LRRIQ1: variants seen among roughly 807,000 people sequenced by gnomAD.
LRRIQ1 encodes leucine-rich repeat- and IQ domain-containing protein 1.
In LRRIQ1, 210 loss-of-function variants were observed where a neutral mutation model predicts 211.9. The observed-to-expected ratio is 0.99, with a 90% CI of 0.89 to 1.11. LRRIQ1 has a LOEUF of 1.11. Among genes scored for constraint, LRRIQ1 ranks in the 50% most tolerant of loss-of-function variants. The pLI is 0.00. For synonymous variants in LRRIQ1, 699 were observed against 650.1 expected, an observed-to-expected ratio of 1.08 and a Z score of -1.14; for missense variants, 2,136 against 1,939.5, an observed-to-expected ratio of 1.10 and a Z score of -1.90.
chr12:85,064,728 T>G (rs1472062113), intron 8 of LRRIQ1, among the ~76,000 whole-genome samples: 2 of 151,876 alleles, frequency 1.3e-5, no homozygotes, highest in Non-Finnish European at 2.9e-5. Flanking sequence ...GGGGTCTAGT[T>G]TCATTTTTCT....
chr12:85,098,881 G>A lies in LRRIQ1; in HGVS notation c.3096G>A (p.Glu1032=). ...TTTAAATATAGCTTCCATCCTTGGA[G>A]AATCTTGTTTTACTAAGAGAATTGC... ...GNYLSELPSL[E]NLVLLRELHL... The change falls in exon 13 of 27, where the codon GAG becomes GAA. Residue 1032 remains glutamate, a synonymous_variant. Transcript: ENST00000393217. 1 of 1,556,600 alleles carries A rather than the reference G, an allele frequency of 6.4e-7. No individual in the cohort carries two copies. Among genetic ancestry groups the A allele is most frequent in the Non-Finnish European group, 8.7e-7 (1 of 1,150,814 alleles).
intron 15 of LRRIQ1, among the ~76,000 whole-genome samples, chr12:85,116,013 C>G (rs1887544471): frequency 6.6e-6 from 1 of 152,184 alleles, no homozygotes; most frequent in South Asian, 2.1e-4. Context: ...GAATACTGTT[C>G]TAAGACACGG....
intron 24 of LRRIQ1, among the ~76,000 whole-genome samples, chr12:85,186,159 T>G (rs1212150148): frequency 6.6e-6 from 1 of 152,158 alleles, no homozygotes; most frequent in East Asian, 1.9e-4. Flanking sequence ...CAAAAATTTA[T>G]TAAGCATCTA....
At chr12:85,169,449 G>A (rs1262147667) in intron 24 of LRRIQ1, among the ~76,000 whole-genome samples, 2 of 152,080 alleles carry the variant, frequency 1.3e-5, no homozygotes, top group Non-Finnish European at 2.9e-5. Context: ...ATGGCCTCCT[G>A]TTGTCCTTTG....
chr12:85,117,207 A>G (rs763934969), intron 15 of LRRIQ1, among the ~76,000 whole-genome samples: 4 of 152,178 alleles, frequency 2.6e-5, no homozygotes, highest in Non-Finnish European at 4.4e-5. Flanking sequence ...TGGGAATATC[A>G]GGTAGCAGCC....
chr12:85,272,775 G>C, the LRRIQ1 span, among the ~76,000 whole-genome samples: 1 of 152,136 alleles, frequency 6.6e-6, no homozygotes, highest in Admixed American at 6.5e-5. Context: ...CCATTTGGGG[G>C]CATCTGATGT....
At chr12:85,235,776 A>G (rs879008308) in intron 26 of LRRIQ1, among the ~76,000 whole-genome samples, 1 of 152,198 alleles carries the variant, frequency 6.6e-6, no homozygotes, top group African/African-American at 2.4e-5. Flanking sequence ...AAATAAGTCT[A>G]TACATTAGAA....
chr12:85,149,937 T>A (rs1164440300), intron 19 of LRRIQ1, among the ~76,000 whole-genome samples: 1 of 151,814 alleles, frequency 6.6e-6, no homozygotes, highest in Admixed American at 6.6e-5. Context: ...AAAATGTCAA[T>A]TTTATCCAGA....
chr12:85,212,601 A>G (rs1480314224), intron 24 of LRRIQ1, among the ~76,000 whole-genome samples: 1 of 151,760 alleles, frequency 6.6e-6, no homozygotes, highest in Non-Finnish European at 1.5e-5. Flanking sequence ...TCAATATATA[A>G]CTGAAAAATG....
Position 85,098,454 on chromosome 12 carries a change from T to G in LRRIQ1, c.2987T>G (p.Leu996Arg), listed in dbSNP as rs1461464075. The G allele has an allele frequency of 9.3e-6, 15 of 1,611,362 alleles. No individual in the cohort carries two copies. Among genetic ancestry groups the G allele is most frequent in the Non-Finnish European group, 1.3e-5 (15 of 1,178,462 alleles). Residue 996 changes from leucine (L) to arginine (R), a missense_variant, in exon 12 of 27, where the codon CTA becomes CGA. Coordinates refer to ENST00000393217, the MANE Select transcript of LRRIQ1 (RefSeq NM_001079910.2). ...TGTGATACACCTACCATTGTATACC[T>G]AGATTGCTCCCATAATCATCTTACT... ...GLCDTPTIVYLDCSHNHLTDV... is the reference protein window; with the variant it reads ...GLCDTPTIVYRDCSHNHLTDV...
At chr12:85,188,387 G>A (rs1892332356) in intron 24 of LRRIQ1, among the ~76,000 whole-genome samples, 1 of 152,066 alleles carries the variant, frequency 6.6e-6, no homozygotes, top group Non-Finnish European at 1.5e-5. Context: ...AACACAGAAT[G>A]CATAAACAGC....
rs2136057291 is a variant in LRRIQ1 at position 85,065,361 on chromosome 12, A to T, written c.2491A>T (p.Thr831Ser). The T allele has an allele frequency of 6.2e-7, 1 of 1,610,868 alleles. No individual in the cohort carries two copies. Among genetic ancestry groups the T allele is most frequent in the Non-Finnish European group, 8.5e-7 (1 of 1,177,902 alleles). ...TCTATCCCTTCGACGCTGTGGATTA[A>T]CTTCTTTGCACAGCCTGAGTAATTG... ...QFLSLRRCGL[T>S]SLHSLSNCKK... The change falls in exon 9 of 27, where the codon ACT becomes TCT. Residue 831 changes from threonine to serine, a missense_variant. Transcript: ENST00000393217.
intron 24 of LRRIQ1, among the ~76,000 whole-genome samples, chr12:85,217,530 G>A (rs1293881811): frequency 1.3e-4 from 15 of 119,324 alleles, no homozygotes; most frequent in African/African-American, 3.6e-4. Context: ...GTGTGTGTGT[G>A]TGTGTGTGTG....
At chr12:85,182,263 G>A (rs977009084) in intron 24 of LRRIQ1, among the ~76,000 whole-genome samples, 8 of 151,902 alleles carry the variant, frequency 5.3e-5, no homozygotes, top group African/African-American at 1.7e-4. Flanking sequence ...GAAATAGTTT[G>A]AGGACATAAA....
rs114576624 is a variant in LRRIQ1, at chr12:85,146,846, A to G, written c.4330-5434A>G. The stretch of plus-strand genomic sequence containing the variant: ...GTACCTTGTTTAATCATTCTGGCCT[A>G]TACTCGCTGTTAGAGAAAAGAGATA... On this transcript the variant is annotated intron_variant, in intron 19 of 26. Transcript: ENST00000393217. 9.3e-4 allele frequency among the ~76,000 whole-genome samples: 141 copies of G among 151,836 alleles called. 1 individual carries two copies. Among genetic ancestry groups the G allele is most frequent in the African/African-American group, 3.3e-3 (138 of 41,502 alleles).
intron 15 of LRRIQ1, among the ~76,000 whole-genome samples, chr12:85,114,229 T>G (rs575164605): frequency 6.6e-6 from 1 of 152,182 alleles, no homozygotes; most frequent in African/African-American, 2.4e-5. Context: ...AAATATCTGA[T>G]GGGTTGTTTT....
At chr12:85,098,110 G>A (rs1267071146) in intron 11 of LRRIQ1, among the ~76,000 whole-genome samples, 1 of 151,982 alleles carries the variant, frequency 6.6e-6, no homozygotes, top group Non-Finnish European at 1.5e-5. Context: ...ATGCCTTTTA[G>A]TACTTTGTGC....
At chr12:85,126,231 C>T (rs1375809401) in intron 17 of LRRIQ1, among the ~76,000 whole-genome samples, 3 of 152,006 alleles carry the variant, frequency 2.0e-5, no homozygotes, top group Admixed American at 6.6e-5. Flanking sequence ...TTTTTGTTTT[C>T]CCTGGGGAAT....
chr12:85,098,874 C>A lies in LRRIQ1; in HGVS notation c.3089C>A (p.Ser1030Tyr), dbSNP rs1350529941. The A allele has an allele frequency of 6.4e-7, 1 of 1,558,150 alleles. No individual in the cohort carries two copies. Among genetic ancestry groups the A allele is most frequent in the Non-Finnish European group, 8.7e-7 (1 of 1,151,052 alleles). ...LQGNYLSELP[S>Y]LENLVLLREL... ...AACCAAATTTAAATATAGCTTCCAT[C>A]CTTGGAGAATCTTGTTTTACTAAGA... The change falls in exon 13 of 27, where the codon TCC becomes TAC. Residue 1030 changes from serine to tyrosine, a missense_variant. Transcript: ENST00000393217.
Sources: allele counts gnomAD v4.1 joint callset (sites outside exome capture counted in the v4.1 genomes callset), GRCh38; gene constraint gnomAD v4.1.1; transcripts MANE v1.5; gene names NCBI Gene and HGNC (gene_info 2026-07-23, HGNC 2026-07-21).